The following AGTPBP1 variants were observed in gnomAD, a reference collection of about 807,000 sequenced individuals.
The protein encoded by AGTPBP1 is cytosolic carboxypeptidase 1.
Under a neutral mutation model 143.9 loss-of-function variants are expected in AGTPBP1, and 70 were observed. The observed-to-expected ratio is 0.49, with a 90% CI of 0.40 to 0.59. The LOEUF is 0.59. AGTPBP1 is among the 20% of genes least tolerant of loss of function. AGTPBP1 has a pLI of 0.00. For missense variants in AGTPBP1, 1,229 were observed against 1,464.5 expected (o/e 0.84, Z 2.62); for synonymous variants, 463 against 500.2 (o/e 0.93, Z 0.99).
intron 13 of AGTPBP1, among the ~76,000 whole-genome samples, chr9:85,638,543 G>C (rs556798666): frequency 1.2e-4 from 19 of 152,046 alleles, no homozygotes; most frequent in African/African-American, 3.6e-4. Context: ...AAATGCTCCA[G>C]TTAAATGACA....
At chr9:85,560,230 T>C (rs1424654563) in intron 25 of AGTPBP1, among the ~76,000 whole-genome samples, 1 of 152,126 alleles carries the variant, frequency 6.6e-6, no homozygotes, top group Non-Finnish European at 1.5e-5. Flanking sequence ...GGAAAAAAAA[T>C]GCTGATTTAC....
At chr9:85,773,786 T>C in the AGTPBP1 span, 2 of 927,588 alleles carry the variant, frequency 2.2e-6, no homozygotes, top group Non-Finnish European at 3.4e-6. Flanking sequence ...AGTAGATTAT[T>C]ATATTAGCTT....
chr9:85,709,173 T>C (rs372458527), intron 2 of AGTPBP1, among the ~76,000 whole-genome samples: 2 of 152,164 alleles, frequency 1.3e-5, no homozygotes, highest in African/African-American at 4.8e-5. Flanking sequence ...GGTTTAATAT[T>C]TGAACATCAT....
At chr9:85,586,530 G>T (rs757150400) in intron 22 of AGTPBP1, among the ~76,000 whole-genome samples, 6 of 152,172 alleles carry the variant, frequency 3.9e-5, no homozygotes, top group Non-Finnish European at 8.8e-5. Context: ...CTTCAGAGCT[G>T]ACTAGAGAAC....
At chr9:85,635,156 C>T (rs1000121986) in intron 13 of AGTPBP1, among the ~76,000 whole-genome samples, 1 of 152,140 alleles carries the variant, frequency 6.6e-6, no homozygotes, top group Admixed American at 6.5e-5. Context: ...TTTGTATACA[C>T]ATACATACAT....
chr9:85,753,226 A>G, the AGTPBP1 span: 5 of 1,549,788 alleles, frequency 3.2e-6, no homozygotes, highest in African/African-American at 6.9e-5. Context: ...CAAAAAAAGA[A>G]AGAAAAAAAA....
chr9:85,556,550 G>A (rs558041031), intron 25 of AGTPBP1, among the ~76,000 whole-genome samples: 1 of 152,084 alleles, frequency 6.6e-6, no homozygotes, highest in Non-Finnish European at 1.5e-5. Flanking sequence ...TGACTAACTG[G>A]ATTATAAAAT....
chr9:85,800,326 T>C, the AGTPBP1 span, among the ~76,000 whole-genome samples: 2 of 152,270 alleles, frequency 1.3e-5, no homozygotes, highest in East Asian at 3.9e-4. Flanking sequence ...TCCTTCTGCT[T>C]TCGGAGAGAA....
intron 22 of AGTPBP1, among the ~76,000 whole-genome samples, 193 bp from the exon 23 acceptor site, chr9:85,585,787 T>A (rs916319028): frequency 3.9e-5 from 6 of 152,252 alleles, no homozygotes; most frequent in African/African-American, 1.2e-4. Context: ...TAATTAATTC[T>A]AGAATTGCCA....
intron 2 of AGTPBP1, among the ~76,000 whole-genome samples, chr9:85,695,213 T>A (rs898933831): frequency 6.6e-6 from 1 of 152,154 alleles, no homozygotes; most frequent in African/African-American, 2.4e-5. Flanking sequence ...ACATTTCACA[T>A]AACTATAGGA....
rs1204253430 is a variant in AGTPBP1 at position 85,681,745 on chromosome 9, C to CTTTTT, written c.158-415_158-411dup. Reference sequence around the variant, plus strand: ...TCCAATGCTATGATTGCATTAATATCTTTTTTTTTTTTTTTTTTTTTTGAG... The same window carrying CTTTTT: ...TCCAATGCTATGATTGCATTAATATCTTTTTTTTTTTTTTTTTTTTTTTTTTTGAG... On this transcript the variant is annotated intron_variant, in intron 3 of 25. Coordinates refer to ENST00000357081, the MANE Select transcript of AGTPBP1 (RefSeq NM_001330701.2). 8.1e-4 allele frequency among the ~76,000 whole-genome samples: 86 copies of CTTTTT among 105,898 alleles called. 2 individuals are homozygous for CTTTTT. Among genetic ancestry groups the CTTTTT allele is most frequent in the African/African-American group, 2.4e-3 (60 of 25,372 alleles). 69.5% of individuals were successfully genotyped at this position (105,898 alleles called of 152,430 possible). A position where few individuals can be genotyped will look rare whatever the true frequency, so the allele number is the denominator to read the frequency against.
chr9:85,608,752 A>C (rs1002120761), intron 17 of AGTPBP1, among the ~76,000 whole-genome samples: 10 of 152,256 alleles, frequency 6.6e-5, no homozygotes, highest in Admixed American at 2.0e-4. Flanking sequence ...AGGGAAAACA[A>C]CACCAAATTT....
At chr9:85,615,613 C>A (rs924977215) in intron 17 of AGTPBP1, among the ~76,000 whole-genome samples, 4 of 151,938 alleles carry the variant, frequency 2.6e-5, no homozygotes, top group Admixed American at 2.0e-4. Context: ...AAGAGTAAAA[C>A]TTAATTTTAA....
intron 13 of AGTPBP1, among the ~76,000 whole-genome samples, chr9:85,642,120 A>G (rs1314721747): frequency 5.9e-5 from 9 of 152,178 alleles, no homozygotes; most frequent in Non-Finnish European, 1.2e-4. Context: ...GAAGGGCTAA[A>G]CAAATCTTAG....
At chr9:85,623,279 T>A (rs1332142439) in intron 14 of AGTPBP1, among the ~76,000 whole-genome samples, 1 of 149,782 alleles carries the variant, frequency 6.7e-6, no homozygotes, top group Non-Finnish European at 1.5e-5. Context: ...AGGCTGGCAA[T>A]TGGTTTAAAA....
chr9:85,804,139 C>T, the AGTPBP1 span, among the ~76,000 whole-genome samples: 4 of 152,128 alleles, frequency 2.6e-5, no homozygotes, highest in Non-Finnish European at 5.9e-5. Flanking sequence ...AAAAAACCTT[C>T]CTTTTCTTCC....
chr9:85,709,515 T>C (rs1442039458), intron 2 of AGTPBP1, among the ~76,000 whole-genome samples: 2 of 152,186 alleles, frequency 1.3e-5, no homozygotes, highest in Non-Finnish European at 1.5e-5. Context: ...GTAAGGACTT[T>C]GTCTCTTGGA....
chr9:85,737,737 T>C (rs1823899156), intron 1 of AGTPBP1, among the ~76,000 whole-genome samples: 1 of 152,232 alleles, frequency 6.6e-6, no homozygotes, highest in African/African-American at 2.4e-5. Flanking sequence ...TACTAGAGCA[T>C]GCAAAAATCC....
At chr9:85,729,262 C>A (rs965022728) in intron 1 of AGTPBP1, among the ~76,000 whole-genome samples, 3 of 152,040 alleles carry the variant, frequency 2.0e-5, no homozygotes, top group Admixed American at 6.6e-5. Flanking sequence ...CAAGTGCCCA[C>A]CAATAGATGA....
Sources: gnomAD v4.1 joint callset for allele counts (sites outside exome capture counted in the v4.1 genomes callset) on GRCh38, gnomAD v4.1.1 for gene constraint, MANE v1.5 for transcripts, NCBI Gene and HGNC (gene_info 2026-07-23, HGNC 2026-07-21) for gene names.